HDAC9: variants seen among roughly 807,000 people sequenced by gnomAD.
The protein encoded by HDAC9 is MEF-2 interacting transcription repressor (MITR) protein.
Under a neutral mutation model 139.4 loss-of-function variants are expected in HDAC9, and 41 were observed. The observed-to-expected ratio is 0.29, with a 90% CI of 0.23 to 0.38. The LOEUF (loss-of-function observed/expected upper bound fraction) is 0.38. Among genes scored for constraint, HDAC9 ranks in the 10% least tolerant of loss-of-function variants. The probability of loss-of-function intolerance (pLI) is 1.00; values close to 1 mark genes in which losing one functional copy is unlikely to be tolerated. For synonymous variants in HDAC9, 517 were observed against 476.2 expected (o/e 1.09, Z -1.12); for missense variants, 1,147 against 1,297.0 (o/e 0.88, Z 1.78).
chr7:18,875,709 G>A (rs1799270363), intron 22 of HDAC9, among the ~76,000 whole-genome samples: 1 of 152,084 alleles, frequency 6.6e-6, no homozygotes, highest in African/African-American at 2.4e-5. Context: ...TGAATAGAGA[G>A]GTGTTTGCTG....
In HDAC9 at chr7:18,515,895, T is replaced by A. The variant is rs78376616; in HGVS notation, c.22+19571T>A. Among the ~76,000 whole-genome samples, 1,501 of 152,332 alleles carry A rather than the reference T, an allele frequency of 9.9e-3. 13 individuals carry two copies. Among genetic ancestry groups the A allele is most frequent in the Non-Finnish European group, 0.015 (1,013 of 68,030 alleles). On this transcript the variant is annotated intron_variant, in intron 2 of 25. Coordinates refer to ENST00000686413, the MANE Select transcript of HDAC9 (RefSeq NM_178425.4). The stretch of plus-strand genomic sequence containing the variant: ...CACTTTAAATGTTCTAGGCTTTTTA[T>A]CCTGGGTTTTCTAGGCATAAGATAT...
At chr7:18,928,026 C>T (rs953247024) in intron 22 of HDAC9, among the ~76,000 whole-genome samples, 23 of 152,286 alleles carry the variant, frequency 1.5e-4, no homozygotes, top group African/African-American at 5.1e-4. Flanking sequence ...CACAATGTGT[C>T]ACCATTTCTT....
At chr7:18,773,400 C>CAG in intron 16 of HDAC9, among the ~76,000 whole-genome samples, 1 of 148,832 alleles carries the variant, frequency 6.7e-6, no homozygotes, top group African/African-American at 2.5e-5. Context: ...CACACACACA[C>CAG]ACACACACAC....
chr7:18,666,967 G>A, intron 12 of HDAC9: 1 of 987,026 alleles, frequency 1.0e-6, no homozygotes, highest in Non-Finnish European at 1.2e-6. Context: ...TCATACTATA[G>A]TCTTGAACAC....
chr7:18,723,843 A>G (rs922811665), intron 12 of HDAC9, among the ~76,000 whole-genome samples: 6 of 152,182 alleles, frequency 3.9e-5, no homozygotes, highest in Admixed American at 3.3e-4. Flanking sequence ...AAAAAAAGAA[A>G]CATGGCCTTT....
intron 22 of HDAC9, among the ~76,000 whole-genome samples, chr7:18,895,179 A>C (rs1801071777): frequency 6.6e-6 from 1 of 152,158 alleles, no homozygotes; most frequent in African/African-American, 2.4e-5. Flanking sequence ...CAGAATAACT[A>C]TGTCAAATAA....
intron 6 of HDAC9, among the ~76,000 whole-genome samples, chr7:18,598,618 A>G (rs1037368198): frequency 3.3e-5 from 5 of 152,220 alleles, no homozygotes; most frequent in Admixed American, 2.6e-4. Flanking sequence ...GATCATACCT[A>G]GGATTTAAGG....
At chr7:18,714,021 T>C (rs1400608352) in intron 12 of HDAC9, among the ~76,000 whole-genome samples, 1 of 152,212 alleles carries the variant, frequency 6.6e-6, no homozygotes, top group Non-Finnish European at 1.5e-5. Flanking sequence ...ATTAGATTAG[T>C]CTTTTTTGCA....
At position 18,585,492 on chromosome 7, in the gene HDAC9, G is replaced by A. The variant is rs1391233445; in HGVS notation, c.234G>A (p.Gln78=). The change falls in exon 3 of 26, where the codon CAG becomes CAA. Residue 78 remains glutamine (Q), a synonymous_variant. Transcript: ENST00000686413. The stretch of plus-strand genomic sequence containing the variant: ...AACAGCATGAGAACTTGACACGGCA[G>A]CACCAGGCTCAGCTTCAGGAGCATA... ...FQKQHENLTR[Q]HQAQLQEHIK... 6.2e-7 allele frequency: 1 copy of A among 1,613,814 alleles called. No individual in the cohort carries two copies. Among genetic ancestry groups the A allele is most frequent in the Non-Finnish European group, 8.5e-7 (1 of 1,179,784 alleles).
In HDAC9 at chr7:18,836,090, T is replaced by C. The variant is rs1796215874; in HGVS notation, c.2684+93T>C. 1.2e-5 allele frequency: 8 copies of C among 665,626 alleles called. No homozygotes were observed. In the Admixed American group the frequency reaches 2.4e-4, roughly 20 times the overall value. 41.2% of individuals were successfully genotyped at this position (665,626 alleles called of 1,614,324 possible). A position where few individuals can be genotyped will look rare whatever the true frequency, so the allele number is the denominator to read the frequency against. On this transcript the variant is annotated intron_variant, in intron 21 of 25. Transcript: ENST00000686413. ...ATGGAAGAGAAATGTAAATGTCTAA[T>C]TAAGGTAAATTATCGCTCAAAGCCA...
intron 17 of HDAC9, among the ~76,000 whole-genome samples, chr7:18,803,240 C>T (rs1793445975): frequency 6.6e-6 from 1 of 151,814 alleles, no homozygotes; most frequent in South Asian, 2.1e-4. Flanking sequence ...AATACAAGAA[C>T]TTTATGTTTT....
At chr7:18,808,438 C>A (rs543433313) in intron 17 of HDAC9, among the ~76,000 whole-genome samples, 1 of 151,876 alleles carries the variant, frequency 6.6e-6, no homozygotes, top group Non-Finnish European at 1.5e-5. Flanking sequence ...AAAGACTCAC[C>A]AAAATACTGT....
intron 22 of HDAC9, among the ~76,000 whole-genome samples, chr7:18,922,297 ATT>A (rs1384674670): frequency 6.6e-6 from 1 of 152,050 alleles, no homozygotes; most frequent in Non-Finnish European, 1.5e-5. Flanking sequence ...AAATTATCCT[ATT>A]TTTAAATTCT....
chr7:18,310,513 C>T (rs1437427956), intron 1 of HDAC9, among the ~76,000 whole-genome samples: 1 of 152,058 alleles, frequency 6.6e-6, no homozygotes, highest in African/African-American at 2.4e-5. Context: ...TCAGAAATGC[C>T]AGTTGTATTT....
chr7:18,591,690 G>C, intron 5 of HDAC9, 48 bp downstream of exon 5: 2 of 1,600,738 alleles, frequency 1.2e-6, no homozygotes, highest in Non-Finnish European at 1.7e-6. Flanking sequence ...AAGAACACAG[G>C]TTCTGTATTT....
chr7:18,768,483 C>T (rs555943375), intron 16 of HDAC9, among the ~76,000 whole-genome samples: 1 of 152,254 alleles, frequency 6.6e-6, no homozygotes, highest in Admixed American at 6.5e-5. Flanking sequence ...ATCAATCCCA[C>T]ATTAATCCTT....
chr7:18,646,855 C>G (rs1454762976), intron 9 of HDAC9, among the ~76,000 whole-genome samples: 1 of 152,020 alleles, frequency 6.6e-6, no homozygotes. Flanking sequence ...TCATACATTT[C>G]AAGTTCTTAA....
At chr7:18,136,945 G>A (rs540452182) in intron 1 of HDAC9, among the ~76,000 whole-genome samples, 224 of 149,902 alleles carry the variant, frequency 1.5e-3, no homozygotes, top group Admixed American at 2.5e-3. Flanking sequence ...AGCATGGAAT[G>A]TTCTTCCATT....
chr7:18,471,461 G>T (rs1442989780), intron 1 of HDAC9, among the ~76,000 whole-genome samples: 1 of 152,130 alleles, frequency 6.6e-6, no homozygotes, highest in Non-Finnish European at 1.5e-5. Context: ...AACATTCATG[G>T]TTCCAAAGCA....
Sources: allele counts gnomAD v4.1 joint callset (sites outside exome capture counted in the v4.1 genomes callset), GRCh38; gene constraint gnomAD v4.1.1; transcripts MANE v1.5; gene names NCBI Gene and HGNC (gene_info 2026-07-23, HGNC 2026-07-21).